The following AKAP12 variants were observed in gnomAD, a reference collection of about 807,000 sequenced individuals.
The protein encoded by AKAP12 is A-kinase anchoring protein 12.
A neutral mutation model predicts 79.9 loss-of-function variants in AKAP12; 32 were observed. The observed-to-expected ratio is 0.40, with a 90% CI of 0.30 to 0.54. AKAP12 has a LOEUF of 0.54. Among genes scored for constraint, AKAP12 ranks in the 20% least tolerant of loss-of-function variants. AKAP12 has a pLI of 0.48. For missense variants in AKAP12, 2,074 were observed against 2,177.0 expected (o/e 0.95, Z 0.94); for synonymous variants, 808 against 857.0 (o/e 0.94, Z 1.00).
intron 3 of AKAP12, among the ~76,000 whole-genome samples, chr6:151,337,639 TCAACATTTTCCCTCGCTTGC>T (rs1250738402): frequency 6.6e-6 from 1 of 152,212 alleles, no homozygotes; most frequent in African/African-American, 2.4e-5. Context: ...TGGGATATTG[TCAACATTTTCCCTCGCTTGC>T]TATATTTACT....
At chr6:151,281,757 C>T (rs996406235) in intron 2 of AKAP12, among the ~76,000 whole-genome samples, 1 of 151,954 alleles carries the variant, frequency 6.6e-6, no homozygotes, top group Non-Finnish European at 1.5e-5. Context: ...TGCAGTGGTG[C>T]TCACTGCAGC....
intron 3 of AKAP12, among the ~76,000 whole-genome samples, chr6:151,337,524 A>AAAAAAAAAAAAAAAAAG (rs535027217): frequency 9.2e-5 from 12 of 129,796 alleles, no homozygotes; most frequent in South Asian, 2.5e-4. Context: ...AAAAAAAAAA[A>AAAAAAAAAAAAAAAAAG]AAAGAAAGAA....
At chr6:151,335,397 C>T (rs548974083) in intron 3 of AKAP12, among the ~76,000 whole-genome samples, 1 of 152,152 alleles carries the variant, frequency 6.6e-6, no homozygotes, top group Non-Finnish European at 1.5e-5. Flanking sequence ...GCCTTAGTGT[C>T]CTCACCTATA....
At chr6:151,327,685 G>C (rs979114827) in intron 3 of AKAP12, among the ~76,000 whole-genome samples, 13 of 152,230 alleles carry the variant, frequency 8.5e-5, no homozygotes, top group African/African-American at 2.9e-4. Context: ...AGTTGGCTCA[G>C]ATAATCCCAA....
chr6:151,261,778 A>G (rs1797444190), intron 2 of AKAP12, among the ~76,000 whole-genome samples: 3 of 135,508 alleles, frequency 2.2e-5, no homozygotes, highest in African/African-American at 7.8e-5. Context: ...TATTTATGAG[A>G]TGGAGTTTCA....
chr6:151,323,959 A>G, intron 3 of AKAP12: 1 of 985,312 alleles, frequency 1.0e-6, no homozygotes. Flanking sequence ...TTATTAATGT[A>G]GACCCTGATG....
intron 2 of AKAP12, among the ~76,000 whole-genome samples, chr6:151,296,237 C>G (rs1312489238): frequency 6.6e-6 from 1 of 152,146 alleles, no homozygotes; most frequent in Admixed American, 6.5e-5. Flanking sequence ...TACAATCATG[C>G]CCACCCCGGG....
At chr6:151,340,092 A>C (rs975591728) in intron 3 of AKAP12, among the ~76,000 whole-genome samples, 2 of 151,706 alleles carry the variant, frequency 1.3e-5, no homozygotes, top group African/African-American at 4.8e-5. Flanking sequence ...TGCCCGGCTA[A>C]TTTTTGTTTG....
At chr6:151,338,810 A>G (rs1398896387) in intron 3 of AKAP12, among the ~76,000 whole-genome samples, 3 of 152,154 alleles carry the variant, frequency 2.0e-5, no homozygotes, top group Admixed American at 6.5e-5. Flanking sequence ...TTCTCAGGGT[A>G]TTGCACGCGG....
intron 3 of AKAP12, among the ~76,000 whole-genome samples, chr6:151,346,934 CT>C (rs1206710139): frequency 1.3e-4 from 20 of 152,018 alleles, no homozygotes; most frequent in Admixed American, 7.9e-4. Flanking sequence ...CCTCATTTAC[CT>C]TTTTTAGTAT....
At chr6:151,319,163 T>C (rs1254315575) in intron 3 of AKAP12, among the ~76,000 whole-genome samples, 1 of 152,302 alleles carries the variant, frequency 6.6e-6, no homozygotes, top group East Asian at 1.9e-4. Context: ...TCTCTTTTAG[T>C]GTTTCTGTTG....
At chr6:151,305,938 G>C in intron 3 of AKAP12, 35 bp downstream of exon 3, 1 of 1,568,802 alleles carries the variant, frequency 6.4e-7, no homozygotes, top group Non-Finnish European at 8.6e-7. Flanking sequence ...AAGGCACACA[G>C]CACTTGCAAC....
chr6:151,294,146 G>A (rs1393126920), intron 2 of AKAP12, among the ~76,000 whole-genome samples: 1 of 152,022 alleles, frequency 6.6e-6, no homozygotes, highest in Non-Finnish European at 1.5e-5. Context: ...GCTAATTTTT[G>A]TATTTTTAGT....
At chr6:151,336,124 T>G (rs1052522670) in intron 3 of AKAP12, among the ~76,000 whole-genome samples, 1 of 152,238 alleles carries the variant, frequency 6.6e-6, no homozygotes, top group Non-Finnish European at 1.5e-5. Context: ...CTGCATAGTA[T>G]TCCATGGTGT....
intron 4 of AKAP12, among the ~76,000 whole-genome samples, chr6:151,354,488 C>T (rs1325572911): frequency 1.3e-5 from 2 of 152,158 alleles, no homozygotes; most frequent in African/African-American, 4.8e-5. Context: ...ATTCTCCTGC[C>T]TCAGCCTCCC....
intron 2 of AKAP12, among the ~76,000 whole-genome samples, chr6:151,247,613 T>C (rs189056599): frequency 6.6e-6 from 1 of 152,334 alleles, no homozygotes; most frequent in Admixed American, 6.5e-5. Flanking sequence ...TTTTAAAATT[T>C]CTTCTCTTGG....
chr6:151,259,238 G>T (rs1031436817), intron 2 of AKAP12, among the ~76,000 whole-genome samples: 1 of 151,256 alleles, frequency 6.6e-6, no homozygotes, highest in African/African-American at 2.4e-5. Context: ...TAGAGATGGG[G>T]TTTCACCATG....
chr6:151,311,635 T>C (rs768446012), intron 3 of AKAP12, among the ~76,000 whole-genome samples: 7 of 152,210 alleles, frequency 4.6e-5, no homozygotes, highest in Non-Finnish European at 8.8e-5. Flanking sequence ...CATCTGAGTA[T>C]TTTCCCCCAG....
In AKAP12 at chr6:151,303,264, C is replaced by T. The variant is rs1298772164; in HGVS notation, c.163-2483C>T. Among the ~76,000 whole-genome samples the T allele has an allele frequency of 5.9e-5, 9 of 152,312 alleles. No homozygotes were observed. The East Asian group carries it at 1.3e-3, about 23-fold the overall frequency. ...CTTTGTGGAGACACACTGCCCCCTTCTCCATTCCCTACCCCCTGCTTTTGT... is the reference window on the plus strand; with the variant it reads ...CTTTGTGGAGACACACTGCCCCCTTTTCCATTCCCTACCCCCTGCTTTTGT... On this transcript the variant is annotated intron_variant, in intron 2 of 4. Transcript: ENST00000402676.
Sources: allele counts gnomAD v4.1 joint callset (sites outside exome capture counted in the v4.1 genomes callset), GRCh38; gene constraint gnomAD v4.1.1; transcripts MANE v1.5; gene names NCBI Gene and HGNC (gene_info 2026-07-23, HGNC 2026-07-21).